The following CSPP1 variants were observed in gnomAD, a reference collection of about 807,000 sequenced individuals.
CSPP1 encodes centrosome and spindle pole-associated protein 1.
A neutral mutation model predicts 164.4 loss-of-function variants in CSPP1; 126 were observed. The observed-to-expected ratio is 0.77, with a 90% CI of 0.66 to 0.89. The LOEUF is 0.89. CSPP1 is among the 40% of genes least tolerant of loss of function. The pLI is 0.00. For synonymous variants in CSPP1, 472 were observed against 476.7 expected (o/e 0.99, Z 0.13); for missense variants, 1,395 against 1,449.8 (o/e 0.96, Z 0.61).
chr8:67,180,331 T>C (rs1354907302), intron 28 of CSPP1, among the ~76,000 whole-genome samples: 1 of 152,126 alleles, frequency 6.6e-6, no homozygotes, highest in Non-Finnish European at 1.5e-5. Context: ...AAAAAGACAA[T>C]CCCAATAAGT....
At chr8:67,112,331 G>T (rs1199340420) in intron 10 of CSPP1, among the ~76,000 whole-genome samples, 5 of 139,842 alleles carry the variant, frequency 3.6e-5, no homozygotes, top group Non-Finnish European at 7.7e-5. Flanking sequence ...TTCAGTTTTT[G>T]ATTTAAGGTA....
intron 18 of CSPP1, among the ~76,000 whole-genome samples, chr8:67,153,523 T>G (rs1826099329): frequency 6.6e-6 from 1 of 152,092 alleles, no homozygotes; most frequent in Non-Finnish European, 1.5e-5. Context: ...TTAAATATGT[T>G]TTTCAAAGCT....
rs1812562063 is a variant in CSPP1 at position 67,095,493 on chromosome 8, TAGA to T, written c.689_691del (p.Arg230del). 1 of 1,613,038 alleles carries T rather than the reference TAGA, an allele frequency of 6.2e-7. No homozygotes were observed. The highest frequency in any genetic ancestry group is 1.7e-5 in the Admixed American group (1 of 59,864). ...TAGATGATGAAATCGAATTAAGGAA[TAGA>T]AGAATTATTAAAAAAGCAAATGAAG... is the stretch of plus-strand genomic sequence containing the variant. On this transcript the variant is annotated inframe_deletion, in exon 7 of 31. Transcript: ENST00000678616.
chr8:67,100,935 A>T (rs1813951386), intron 7 of CSPP1, among the ~76,000 whole-genome samples: 1 of 151,944 alleles, frequency 6.6e-6, no homozygotes, highest in Non-Finnish European at 1.5e-5. Context: ...TGCTAGGAGG[A>T]TCCATAAGGA....
chr8:67,119,467 C>T (rs1009938529), intron 15 of CSPP1, among the ~76,000 whole-genome samples: 1 of 152,168 alleles, frequency 6.6e-6, no homozygotes, highest in African/African-American at 2.4e-5. Context: ...AACTGCCATA[C>T]TGTTGTCCAC....
intron 3 of CSPP1, among the ~76,000 whole-genome samples, chr8:67,085,279 T>A (rs1810143806): frequency 1.3e-5 from 2 of 151,932 alleles, no homozygotes; most frequent in African/African-American, 4.8e-5. Context: ...ACAATAAAAA[T>A]TAATATCCAT....
At chr8:67,152,935 C>T (rs1174168124) in intron 18 of CSPP1, among the ~76,000 whole-genome samples, 4 of 152,184 alleles carry the variant, frequency 2.6e-5, no homozygotes, top group African/African-American at 7.2e-5. Context: ...CGCTGGCTCA[C>T]GCCTGTAATC....
At position 67,096,198 on chromosome 8, in the gene CSPP1, T is replaced by C. The variant is rs566015907; in HGVS notation, c.923+466T>C. ...AATTCAGAGTTTTCTCAATTCATAG[T>C]GCTCTTGGATGAGGGGAAAAATAAC... On this transcript the variant is annotated intron_variant, in intron 7 of 30. Coordinates refer to ENST00000678616, the MANE Select transcript of CSPP1 (RefSeq NM_001382391.1). Among the ~76,000 whole-genome samples, 12 of 152,344 alleles carry C rather than the reference T, an allele frequency of 7.9e-5. No individual in the cohort carries two copies. The South Asian group carries it at 2.3e-3, about 29-fold the overall frequency.
At chr8:67,159,367 A>G (rs559262829) in intron 21 of CSPP1, among the ~76,000 whole-genome samples, 2 of 152,150 alleles carry the variant, frequency 1.3e-5, no homozygotes, top group Non-Finnish European at 2.9e-5. Context: ...TACTTGAGCC[A>G]TTCTTAGTCT....
At chr8:67,153,254 C>T (rs1488856640) in intron 18 of CSPP1, among the ~76,000 whole-genome samples, 1 of 152,064 alleles carries the variant, frequency 6.6e-6, no homozygotes, top group East Asian at 1.9e-4. Context: ...AAGAATGAGT[C>T]AGAAACTCAA....
chr8:67,073,391 A>C (rs1807245671), intron 1 of CSPP1, among the ~76,000 whole-genome samples: 1 of 152,214 alleles, frequency 6.6e-6, no homozygotes, highest in Non-Finnish European at 1.5e-5. Context: ...TCTATTGAAA[A>C]GGATGTTCTG....
intron 29 of CSPP1, among the ~76,000 whole-genome samples, chr8:67,191,068 T>C (rs1178857802): frequency 6.6e-6 from 1 of 152,252 alleles, no homozygotes; most frequent in Admixed American, 6.5e-5. Flanking sequence ...ACTGATGTCA[T>C]TTATTGAAAA....
chr8:67,130,129 T>G (rs1315759949), intron 15 of CSPP1, among the ~76,000 whole-genome samples: 1 of 152,214 alleles, frequency 6.6e-6, no homozygotes, highest in Non-Finnish European at 1.5e-5. Context: ...GGGCTCACTT[T>G]GGGACTTGAG....
chr8:67,167,529 C>T (rs1829628194), intron 24 of CSPP1, among the ~76,000 whole-genome samples: 1 of 151,998 alleles, frequency 6.6e-6, no homozygotes, highest in South Asian at 2.1e-4. Context: ...AGGGGCTCCT[C>T]ACTTCTCAGA....
intron 7 of CSPP1, among the ~76,000 whole-genome samples, chr8:67,099,611 C>G (rs1414092316): frequency 6.6e-6 from 1 of 152,112 alleles, no homozygotes; most frequent in Non-Finnish European, 1.5e-5. Flanking sequence ...AGAGATGTAG[C>G]CGTGGTAAAA....
At chr8:67,173,007 A>C (rs1182728572) in intron 25 of CSPP1, 1 of 152,882 alleles carries the variant, frequency 6.5e-6, no homozygotes, top group Non-Finnish European at 1.5e-5. Context: ...GGATGAGGTC[A>C]TTGGTGACCT....
intron 29 of CSPP1, among the ~76,000 whole-genome samples, chr8:67,191,407 C>T (rs530745593): frequency 6.6e-6 from 1 of 152,170 alleles, no homozygotes. Flanking sequence ...TTGCTATTAG[C>T]GTTATTATAT....
intron 3 of CSPP1, among the ~76,000 whole-genome samples, chr8:67,082,380 T>C (rs762708196): frequency 6.6e-6 from 1 of 152,184 alleles, no homozygotes; most frequent in Non-Finnish European, 1.5e-5. Context: ...CCTCTTTGTC[T>C]TAGGTTTATC....
intron 16 of CSPP1, 79 bp downstream of exon 16, chr8:67,132,159 G>A (rs531041394): frequency 4.2e-5 from 57 of 1,358,882 alleles, no homozygotes; most frequent in Middle Eastern, 1.9e-4. Context: ...GAGTGTGGCC[G>A]GGGAGGGGAA....
Sources: gnomAD v4.1 joint callset for allele counts (sites outside exome capture counted in the v4.1 genomes callset) on GRCh38, gnomAD v4.1.1 for gene constraint, MANE v1.5 for transcripts, NCBI Gene and HGNC (gene_info 2026-07-23, HGNC 2026-07-21) for gene names.